Variants in KCNH1 observed in about 807,000 individuals in gnomAD.
The protein encoded by KCNH1 is potassium voltage-gated channel subfamily H member 1.
KCNH1 carries 27 observed loss-of-function variants against 69.2 expected under a neutral mutation model. That is an observed-to-expected ratio of 0.39 (90% CI 0.29 to 0.54). KCNH1 has a LOEUF of 0.54. Ranked by LOEUF, KCNH1 falls within the 20% of genes least tolerant of loss-of-function variation. The probability of loss-of-function intolerance (pLI) is 0.68; values close to 1 mark genes in which losing one functional copy is unlikely to be tolerated. For synonymous variants in KCNH1, 456 were observed against 487.7 expected (o/e 0.93, Z 0.86); for missense variants, 798 against 1,261.6 (o/e 0.63, Z 5.57).
intron 7 of KCNH1, among the ~76,000 whole-genome samples, chr1:210,903,832 T>C (rs1450591383): frequency 2.0e-5 from 3 of 152,174 alleles, no homozygotes; most frequent in Non-Finnish European, 4.4e-5. Context: ...TTACCTATCA[T>C]CAGGTGGTAA....
intron 7 of KCNH1, among the ~76,000 whole-genome samples, chr1:210,815,794 G>T (rs553773142): frequency 6.6e-6 from 1 of 152,080 alleles, no homozygotes; most frequent in African/African-American, 2.4e-5. Context: ...CCCACCTGGG[G>T]CGCTTTTGGC....
chr1:211,019,653 T>C (rs1689553382), intron 5 of KCNH1, among the ~76,000 whole-genome samples: 1 of 152,224 alleles, frequency 6.6e-6, no homozygotes, highest in Admixed American at 6.6e-5. Context: ...CAACTTTTTA[T>C]TCAATAAATA....
At chr1:210,762,148 G>C (rs186369407) in intron 10 of KCNH1, among the ~76,000 whole-genome samples, 2 of 151,780 alleles carry the variant, frequency 1.3e-5, no homozygotes, top group Admixed American at 1.3e-4. Context: ...ACAAAATTAA[G>C]GCAGAAATTA....
At chr1:211,102,961 T>G (rs1478334906) in intron 3 of KCNH1, among the ~76,000 whole-genome samples, 3 of 152,264 alleles carry the variant, frequency 2.0e-5, no homozygotes, top group Non-Finnish European at 2.9e-5. Context: ...TTTATACTTC[T>G]GTATGGCTAC....
In KCNH1 at chr1:210,683,314, TG is replaced by T. The variant is rs1558420601; in HGVS notation, c.2936del (p.Pro979GlnfsTer16). ...ELFEISRPQS[P>X]ESERDIFGAS Reference sequence around the variant, plus strand: ...CTCCAAAAATGTCTCTCTCTGATTCTGGGGACTGTGGCCTCGATATTTCAAA... The same window carrying T: ...CTCCAAAAATGTCTCTCTCTGATTCTGGGACTGTGGCCTCGATATTTCAAA... On this transcript the variant is annotated frameshift_variant, in exon 11 of 11. Transcript: ENST00000271751. LOFTEE classifies it high-confidence loss of function. The surrounding 1 kb of genome is among the most constrained non-coding windows in gnomAD (Gnocchi z 5.7). The T allele has an allele frequency of 1.2e-6, 2 of 1,614,100 alleles. No homozygotes were observed. Among genetic ancestry groups the T allele is most frequent in the Admixed American group, 3.3e-5 (2 of 60,010 alleles).
intron 7 of KCNH1, among the ~76,000 whole-genome samples, chr1:210,830,599 T>TA (rs76391417): frequency 0.17 from 26,213 of 152,040 alleles, 2,947 homozygotes; most frequent in African/African-American, 0.32. Context: ...AAGGAGCAAT[T>TA]AAAAAATATT....
intron 10 of KCNH1, among the ~76,000 whole-genome samples, chr1:210,751,699 G>T (rs1683288107): frequency 6.6e-6 from 1 of 152,080 alleles, no homozygotes; most frequent in African/African-American, 2.4e-5. Flanking sequence ...ACTAACTTTT[G>T]ACTTGAAGTG....
chr1:210,953,674 C>T (rs949599218), intron 6 of KCNH1, among the ~76,000 whole-genome samples: 4 of 152,108 alleles, frequency 2.6e-5, no homozygotes, highest in African/African-American at 4.8e-5. Flanking sequence ...AATCGAATCC[C>T]GTCGTTTCCT....
At chr1:210,941,938 T>C (rs1687884059) in intron 6 of KCNH1, among the ~76,000 whole-genome samples, 1 of 152,208 alleles carries the variant, frequency 6.6e-6, no homozygotes, top group Admixed American at 6.5e-5. Flanking sequence ...TCTTTGCAGC[T>C]CAACAGAGAA....
chr1:211,078,894 G>A (rs1452331450), intron 5 of KCNH1, among the ~76,000 whole-genome samples: 3 of 145,276 alleles, frequency 2.1e-5, no homozygotes, highest in Non-Finnish European at 4.5e-5. Context: ...CTCCAGCCTG[G>A]GTGACAGAGC....
At chr1:210,953,222 T>C (rs1042240769) in intron 6 of KCNH1, among the ~76,000 whole-genome samples, 5 of 152,184 alleles carry the variant, frequency 3.3e-5, no homozygotes, top group Admixed American at 6.5e-5. Context: ...CTTAAGGAAC[T>C]CTATCACGTG....
intron 6 of KCNH1, among the ~76,000 whole-genome samples, chr1:210,982,859 T>C (rs1022986545): frequency 6.6e-6 from 1 of 152,224 alleles, no homozygotes; most frequent in Non-Finnish European, 1.5e-5. Flanking sequence ...ACTTCCACAA[T>C]GGTTGAACTA....
chr1:210,760,812 A>C (rs1683501203), intron 10 of KCNH1, among the ~76,000 whole-genome samples: 1 of 152,166 alleles, frequency 6.6e-6, no homozygotes, highest in Non-Finnish European at 1.5e-5. Context: ...TGAGAACAGC[A>C]AGGGAAAGAC....
intron 7 of KCNH1, among the ~76,000 whole-genome samples, chr1:210,853,532 C>T (rs1454644524): frequency 6.6e-6 from 1 of 152,152 alleles, no homozygotes; most frequent in African/African-American, 2.4e-5. Context: ...ACAGGAGGAC[C>T]CAGGGCTCCT....
chr1:211,059,089 G>A (rs1238265384), intron 5 of KCNH1, among the ~76,000 whole-genome samples: 1 of 151,860 alleles, frequency 6.6e-6, no homozygotes, highest in African/African-American at 2.4e-5. Context: ...GACCATCCTG[G>A]CTAACATGGT....
intron 1 of KCNH1, among the ~76,000 whole-genome samples, chr1:211,112,289 C>G (rs1691485448): frequency 7.2e-6 from 1 of 138,096 alleles, no homozygotes; most frequent in Non-Finnish European, 1.6e-5. Flanking sequence ...CCACCGCCCA[C>G]CCCCCTCCAC....
intron 7 of KCNH1, among the ~76,000 whole-genome samples, chr1:210,841,492 A>G (rs1168405241): frequency 6.6e-6 from 1 of 152,200 alleles, no homozygotes; most frequent in East Asian, 1.9e-4. Flanking sequence ...TTGCGAAATG[A>G]TAACTTCTAC....
chr1:210,911,831 G>C (rs1479928980), intron 7 of KCNH1, among the ~76,000 whole-genome samples: 2 of 152,098 alleles, frequency 1.3e-5, no homozygotes, highest in African/African-American at 2.4e-5. Flanking sequence ...AAGATATTTT[G>C]TCACCATAAT....
chr1:210,746,181 C>T (rs958305666), intron 10 of KCNH1, among the ~76,000 whole-genome samples: 1 of 152,068 alleles, frequency 6.6e-6, no homozygotes, highest in African/African-American at 2.4e-5. Flanking sequence ...CTTCTTTTTT[C>T]CCTTCTTACT....
Sources: gnomAD v4.1 joint callset for allele counts (sites outside exome capture counted in the v4.1 genomes callset) on GRCh38, gnomAD v4.1.1 for gene constraint, Gnocchi (gnomAD v3.1) non-coding constraint, MANE v1.5 for transcripts, NCBI Gene and HGNC (gene_info 2026-07-23, HGNC 2026-07-21) for gene names.